The following DENND4A variants were observed in gnomAD, a reference collection of about 807,000 sequenced individuals.
DENND4A encodes the protein C-myc promoter-binding protein.
Under a neutral mutation model 199.3 loss-of-function variants are expected in DENND4A, and 70 were observed. That is an observed-to-expected ratio of 0.35 (90% CI 0.29 to 0.43). The LOEUF (loss-of-function observed/expected upper bound fraction) is 0.43. Ranked by LOEUF, DENND4A falls within the 20% of genes least tolerant of loss-of-function variation. The probability of loss-of-function intolerance (pLI) is 1.00; values close to 1 mark genes in which losing one functional copy is unlikely to be tolerated. For missense variants in DENND4A, 1,723 were observed against 2,255.8 expected, an observed-to-expected ratio of 0.76 and a Z score of 4.78; for synonymous variants, 686 against 766.9, an observed-to-expected ratio of 0.89 and a Z score of 1.74.
In DENND4A at chr15:65,677,927, CTTTTT is replaced by C. The variant is rs11071847; in HGVS notation, c.4180-1298_4180-1294del. 2.8e-3 allele frequency among the ~76,000 whole-genome samples: 277 copies of C among 100,102 alleles called. 1 individual carries two copies. Among genetic ancestry groups the C allele is most frequent in the African/African-American group, 9.8e-3 (266 of 27,026 alleles). 65.7% of individuals were successfully genotyped at this position (100,102 alleles called of 152,430 possible). ...TATTTTAGAGTGCAGCCTCTTATCT[CTTTTT>C]TTTTTTTTTTTTTTTCAAAGAATTT... is the stretch of plus-strand genomic sequence containing the variant. On this transcript the variant is annotated intron_variant, in intron 23 of 32. Coordinates refer to ENST00000443035, the MANE Select transcript of DENND4A (RefSeq NM_001320835.1).
chr15:65,744,778 C>T (rs1005821496), intron 4 of DENND4A, among the ~76,000 whole-genome samples: 1 of 152,068 alleles, frequency 6.6e-6, no homozygotes. Context: ...TTTTTGTTGG[C>T]TTGTTTCTCA....
intron 1 of DENND4A, among the ~76,000 whole-genome samples, chr15:65,776,807 T>C (rs1029400696): frequency 1.3e-5 from 2 of 152,082 alleles, no homozygotes; most frequent in Non-Finnish European, 2.9e-5. Flanking sequence ...AAAGACAACA[T>C]GCAAAGTAAG....
At position 65,700,192 on chromosome 15, in the gene DENND4A, GCTT is replaced by G. The variant is rs541220330; in HGVS notation, c.2833+349_2833+351del. ...ACTATTAACTTAGACACAGAGCTAT[GCTT>G]CTTTTTTTAAAAAACTCTAATATCA... is the stretch of plus-strand genomic sequence containing the variant. On this transcript the variant is annotated intron_variant, in intron 20 of 32. Transcript: ENST00000443035. 2.2e-4 allele frequency among the ~76,000 whole-genome samples: 34 copies of G among 151,898 alleles called. No homozygotes were observed. The South Asian group carries it at 4.8e-3, about 21-fold the overall frequency.
intron 17 of DENND4A, 54 bp downstream of exon 17, chr15:65,702,250 CA>C: frequency 7.2e-7 from 1 of 1,398,330 alleles, no homozygotes. Flanking sequence ...GCCTGGGTGA[CA>C]GAGTGAGACC....
At chr15:65,664,171 C>T (rs1356237987) in intron 32 of DENND4A, among the ~76,000 whole-genome samples, 159 bp downstream of exon 32, 1 of 152,120 alleles carries the variant, frequency 6.6e-6, no homozygotes, top group East Asian at 1.9e-4. Context: ...GCAGTCACTC[C>T]CTATTCACCC....
intron 4 of DENND4A, among the ~76,000 whole-genome samples, chr15:65,751,660 AAG>A (rs1182280842): frequency 6.6e-6 from 1 of 152,212 alleles, no homozygotes; most frequent in African/African-American, 2.4e-5. Flanking sequence ...AGGAAAAAGC[AAG>A]AGAGTACCTA....
In DENND4A at chr15:65,664,553, G is replaced by A. The variant is rs1260564331; in HGVS notation, c.5522+7C>T. 3 of 1,610,076 alleles carry A rather than the reference G, an allele frequency of 1.9e-6. No homozygotes were observed. The South Asian group carries it at 3.3e-5, about 18-fold the overall frequency. Reference sequence around the variant, plus strand: ...GAACAATATATTCGTCTAAGAGAAGGACTTACCTCTGTCTTTTAAAATGTG... The same window carrying A: ...GAACAATATATTCGTCTAAGAGAAGAACTTACCTCTGTCTTTTAAAATGTG... On this transcript the variant is annotated splice_region_variant and intron_variant, in intron 31 of 32. Transcript: ENST00000443035.
At chr15:65,689,509 T>A (rs1359855196) in intron 23 of DENND4A, among the ~76,000 whole-genome samples, 1 of 152,216 alleles carries the variant, frequency 6.6e-6, no homozygotes, top group Non-Finnish European at 1.5e-5. Context: ...ACAGATAACC[T>A]GAGTCAAGTC....
chr15:65,674,018 C>A lies in DENND4A; in HGVS notation c.4370-2132G>T, dbSNP rs116211658. On this transcript the variant is annotated intron_variant, in intron 24 of 32. Transcript: ENST00000443035. ...GAAAAGAAGGGAGTGGGGCTAATCA[C>A]CTAATTTCTTCATAAATATACAGCA... Among the ~76,000 whole-genome samples the A allele has an allele frequency of 6.4e-3, 973 of 151,974 alleles. 10 individuals are homozygous for A. Among genetic ancestry groups the A allele is most frequent in the African/African-American group, 0.023 (934 of 41,422 alleles).
intron 4 of DENND4A, among the ~76,000 whole-genome samples, chr15:65,743,292 C>T (rs1441764019): frequency 6.6e-6 from 1 of 152,148 alleles, no homozygotes; most frequent in African/African-American, 2.4e-5. Context: ...TCTTTATTCT[C>T]CCCATAATTT....
intron 3 of DENND4A, among the ~76,000 whole-genome samples, chr15:65,754,407 A>C (rs2076648053): frequency 6.6e-6 from 1 of 152,218 alleles, no homozygotes; most frequent in Non-Finnish European, 1.5e-5. Flanking sequence ...TTCTGTAAGC[A>C]GTTACTTAAC....
At position 65,756,436 on chromosome 15, in the gene DENND4A, CT is replaced by C; in HGVS notation, c.14del (p.Lys5ArgfsTer11). MIEDKGPRVADYFVV... is the reference protein window; with the variant it reads MIEDXGPRVADYFVV... The stretch of plus-strand genomic sequence containing the variant: ...CAAAGTAGTCAGCAACACGAGGCCC[CT>C]TGTCTTCAATCATCTTCCATTACAG... On this transcript the variant is annotated frameshift_variant, in exon 3 of 33. Transcript: ENST00000443035. LOFTEE classifies it high-confidence loss of function. The C allele has an allele frequency of 6.2e-7, 1 of 1,606,968 alleles. No homozygotes were observed. Among genetic ancestry groups the C allele is most frequent in the Non-Finnish European group, 8.5e-7 (1 of 1,177,198 alleles).
rs79267279 is a variant in DENND4A, at chr15:65,755,986, A to G, written c.311+154T>C. On this transcript the variant is annotated intron_variant, in intron 3 of 32. Transcript: ENST00000443035. Reference sequence around the variant, plus strand: ...TTCAGGATAAAGAGAGACAAAAGGAAACAGGGAGAGAATACAGGTTTCTGA... The same window carrying G: ...TTCAGGATAAAGAGAGACAAAAGGAGACAGGGAGAGAATACAGGTTTCTGA... 9.5e-4 allele frequency among the ~76,000 whole-genome samples: 144 copies of G among 152,342 alleles called. 1 individual carries two copies. The East Asian group carries it at 0.027, about 29-fold the overall frequency.
chr15:65,752,654 T>A (rs779714661), intron 3 of DENND4A, 26 bp from the exon 4 acceptor site: 3 of 1,359,568 alleles, frequency 2.2e-6, no homozygotes, highest in East Asian at 5.0e-5. Flanking sequence ...TAAAAATAAA[T>A]ACACAAAGCA....
At chr15:65,770,186 G>A (rs1208035927) in intron 1 of DENND4A, among the ~76,000 whole-genome samples, 1 of 152,088 alleles carries the variant, frequency 6.6e-6, no homozygotes, top group African/African-American at 2.4e-5. Context: ...TTGGCATAAG[G>A]TTAAAAGGCA....
intron 1 of DENND4A, among the ~76,000 whole-genome samples, chr15:65,781,440 G>T (rs1567107552): frequency 6.6e-6 from 1 of 152,168 alleles, no homozygotes; most frequent in Non-Finnish European, 1.5e-5. Flanking sequence ...TAAGGAAATA[G>T]TTCCTAATAA....
intron 4 of DENND4A, among the ~76,000 whole-genome samples, chr15:65,749,075 G>A (rs2076492244): frequency 6.6e-6 from 1 of 151,458 alleles, no homozygotes; most frequent in Non-Finnish European, 1.5e-5. Context: ...AGACCCAATT[G>A]TTGACAAAAT....
At chr15:65,742,232 A>G (rs533863019) in intron 4 of DENND4A, among the ~76,000 whole-genome samples, 74 of 152,216 alleles carry the variant, frequency 4.9e-4, no homozygotes, top group African/African-American at 1.7e-3. Context: ...CTTTCTCCCA[A>G]ATTCATTTCC....
In DENND4A at chr15:65,756,446, A is replaced by T. The variant is rs2076702512; in HGVS notation, c.5T>A (p.Ile2Asn). 1 of 1,602,394 alleles carries T rather than the reference A, an allele frequency of 6.2e-7. No homozygotes were observed. Among genetic ancestry groups the T allele is most frequent in the South Asian group, 1.1e-5 (1 of 89,006 alleles). Residue 2 changes from isoleucine to asparagine, a missense_variant, in exon 3 of 33, where the codon ATT becomes AAT. Around this residue, in one of 6 missense-constraint regions of DENND4A, gnomAD observed 725 missense variants for 952.9 expected, o/e 0.76. Transcript: ENST00000443035. M[I>N]EDKGPRVADY... The stretch of plus-strand genomic sequence containing the variant: ...AGCAACACGAGGCCCCTTGTCTTCA[A>T]TCATCTTCCATTACAGAAGGTTACA...
Sources: gnomAD v4.1 joint callset for allele counts (sites outside exome capture counted in the v4.1 genomes callset) on GRCh38, gnomAD v4.1.1 for gene constraint, gnomAD v4.1.1 regional missense constraint, MANE v1.5 for transcripts, NCBI Gene and HGNC (gene_info 2026-07-23, HGNC 2026-07-21) for gene names.